Variants in NYAP2 observed in about 807,000 individuals in gnomAD.
NYAP2 encodes the protein neuronal tyrosine-phosphorylated phosphoinositide-3-kinase adapter 2.
Under a neutral mutation model 50.4 loss-of-function variants are expected in NYAP2, and 23 were observed. That is an observed-to-expected ratio of 0.46 (90% CI 0.33 to 0.65). The LOEUF (loss-of-function observed/expected upper bound fraction) is 0.65. NYAP2 is among the 30% of genes least tolerant of loss of function. NYAP2 has a pLI of 0.02. For synonymous variants in NYAP2, 394 were observed against 365.2 expected (o/e 1.08, Z -0.90); for missense variants, 885 against 861.0 (o/e 1.03, Z -0.35).
At chr2:225,569,534 C>A (rs565328847) in intron 4 of NYAP2, among the ~76,000 whole-genome samples, 2 of 152,270 alleles carry the variant, frequency 1.3e-5, no homozygotes, top group East Asian at 3.9e-4. Context: ...TCAACAGGAA[C>A]ACAAGCATTC....
At chr2:225,526,793 G>C (rs1159496901) in intron 4 of NYAP2, among the ~76,000 whole-genome samples, 1 of 152,070 alleles carries the variant, frequency 6.6e-6, no homozygotes. Context: ...ATTGTTTTTT[G>C]CATTGGATAG....
intron 6 of NYAP2, among the ~76,000 whole-genome samples, chr2:225,633,926 C>A (rs1335592885): frequency 1.3e-5 from 2 of 152,176 alleles, no homozygotes; most frequent in Non-Finnish European, 2.9e-5. Flanking sequence ...AAGCGATGAC[C>A]ATTAGGTGGA....
At chr2:225,604,051 T>C (rs1457306974) in intron 5 of NYAP2, among the ~76,000 whole-genome samples, 3 of 152,178 alleles carry the variant, frequency 2.0e-5, no homozygotes, top group Non-Finnish European at 4.4e-5. Flanking sequence ...TTCTATTTTC[T>C]TTCATTTAAT....
intron 3 of NYAP2, among the ~76,000 whole-genome samples, chr2:225,499,620 A>G (rs1690568791): frequency 6.6e-6 from 1 of 152,116 alleles, no homozygotes; most frequent in Non-Finnish European, 1.5e-5. Context: ...TAAGAAAACC[A>G]TTTCAGTAGA....
At chr2:225,693,354 G>T in the NYAP2 span, among the ~76,000 whole-genome samples, 1 of 151,924 alleles carries the variant, frequency 6.6e-6, no homozygotes, top group African/African-American at 2.4e-5. Flanking sequence ...GTGGAGTTAT[G>T]GGTTTTGAGG....
chr2:225,584,021 G>A (rs1328809186), intron 5 of NYAP2, among the ~76,000 whole-genome samples: 1 of 151,896 alleles, frequency 6.6e-6, no homozygotes, highest in Non-Finnish European at 1.5e-5. Flanking sequence ...CAGCCTGGGC[G>A]ATAGAGCAAG....
intron 5 of NYAP2, among the ~76,000 whole-genome samples, chr2:225,605,942 A>C (rs1692777732): frequency 6.6e-6 from 1 of 152,154 alleles, no homozygotes; most frequent in South Asian, 2.1e-4. Flanking sequence ...TGTTGCTAAA[A>C]ACTTTCCGTA....
intron 3 of NYAP2, among the ~76,000 whole-genome samples, chr2:225,507,498 C>T (rs1303048942): frequency 6.6e-6 from 1 of 152,126 alleles, no homozygotes; most frequent in Non-Finnish European, 1.5e-5. Context: ...CTTTATCGGT[C>T]CTAATCAGCA....
chr2:225,538,012 A>G (rs1483448750), intron 4 of NYAP2, among the ~76,000 whole-genome samples: 3 of 152,202 alleles, frequency 2.0e-5, no homozygotes, highest in South Asian at 2.1e-4. Flanking sequence ...CTTTTACTTC[A>G]TGCATCACAT....
chr2:225,513,611 A>C lies in NYAP2; in HGVS notation c.462A>C (p.Ser154=), dbSNP rs113005393. The C allele has an allele frequency of 6.4e-6, 10 of 1,560,950 alleles. No individual in the cohort carries two copies. In the East Asian group the frequency reaches 2.3e-4, roughly 35 times the overall value. ...ACCCCAGCACCAAGCTGAGCACCTC[A>C]TCAGAGACAGTCAGCAGCACTGCAG... Residue 154 remains serine, a synonymous_variant, in exon 4 of 7, where the codon TCA becomes TCC. Coordinates refer to ENST00000636099, the Ensembl canonical transcript of NYAP2.
At chr2:225,663,066 C>T in the NYAP2 span, among the ~76,000 whole-genome samples, 2 of 152,110 alleles carry the variant, frequency 1.3e-5, no homozygotes, top group East Asian at 3.9e-4. Flanking sequence ...AAAACATGGG[C>T]TATTTTTAAC....
At chr2:225,640,800 C>A (rs955157814) in intron 6 of NYAP2, among the ~76,000 whole-genome samples, 7 of 152,134 alleles carry the variant, frequency 4.6e-5, no homozygotes, top group Non-Finnish European at 8.8e-5. Flanking sequence ...TATTCATACA[C>A]ACACATATTT....
chr2:225,411,110 T>A (rs4674990), intron 3 of NYAP2, among the ~76,000 whole-genome samples: 120,806 of 152,064 alleles, frequency 0.79, 48,192 homozygotes, highest in Non-Finnish European at 0.82. Context: ...CCTACTTGAG[T>A]ATAGAGCAAA....
chr2:225,481,065 A>G (rs1324055561), intron 3 of NYAP2, among the ~76,000 whole-genome samples: 2 of 152,110 alleles, frequency 1.3e-5, no homozygotes. Flanking sequence ...ATCATTCTTA[A>G]TGTGTTCCAT....
At chr2:225,521,185 A>G (rs1410230623) in intron 4 of NYAP2, among the ~76,000 whole-genome samples, 2 of 150,932 alleles carry the variant, frequency 1.3e-5, no homozygotes, top group Non-Finnish European at 3.0e-5. Context: ...TGAGACAATG[A>G]GGTTTTCTAG....
chr2:225,416,181 T>C (rs1695119457), intron 3 of NYAP2, among the ~76,000 whole-genome samples: 1 of 152,190 alleles, frequency 6.6e-6, no homozygotes, highest in East Asian at 1.9e-4. Context: ...TTTGCTTGTT[T>C]TTATGTAAAA....
At chr2:225,677,796 T>G in the NYAP2 span, among the ~76,000 whole-genome samples, 1 of 152,114 alleles carries the variant, frequency 6.6e-6, no homozygotes, top group Non-Finnish European at 1.5e-5. Context: ...TTTTTTGAGG[T>G]GCTGCTGGAT....
chr2:225,666,231 C>T, the NYAP2 span, among the ~76,000 whole-genome samples: 1 of 152,160 alleles, frequency 6.6e-6, no homozygotes, highest in Non-Finnish European at 1.5e-5. Flanking sequence ...CCTTCTCTTG[C>T]ACCACCAAGC....
the NYAP2 span, among the ~76,000 whole-genome samples, chr2:225,689,962 C>T: frequency 2.6e-5 from 4 of 152,018 alleles, no homozygotes; most frequent in Non-Finnish European, 4.4e-5. Context: ...AATCAAATTC[C>T]GGCCAATGGA....
Sources: gnomAD v4.1 joint callset for allele counts (sites outside exome capture counted in the v4.1 genomes callset) on GRCh38, gnomAD v4.1.1 for gene constraint, MANE v1.5 for transcripts, NCBI Gene and HGNC (gene_info 2026-07-23, HGNC 2026-07-21) for gene names.